The following CPLX1 variants were observed in gnomAD, a reference collection of about 807,000 sequenced individuals.
CPLX1 encodes the protein complexin-1.
A neutral mutation model predicts 15.6 loss-of-function variants in CPLX1; 6 were observed. The observed-to-expected ratio is 0.39, with a 90% CI of 0.21 to 0.76. The LOEUF (loss-of-function observed/expected upper bound fraction) is 0.76, where lower values mean the gene tolerates loss of function less well. Among genes scored for constraint, CPLX1 ranks in the 30% least tolerant of loss-of-function variants. The probability of loss-of-function intolerance (pLI) is 0.43; values close to 1 mark genes in which losing one functional copy is unlikely to be tolerated. For missense variants in CPLX1, 242 were observed against 188.6 expected (o/e 1.28, Z -1.66); for synonymous variants, 91 against 75.2 (o/e 1.21, Z -1.08).
In CPLX1 at chr4:792,260, C is replaced by T. The variant is rs553722817; in HGVS notation, c.207+173G>A. Among the ~76,000 whole-genome samples the T allele has an allele frequency of 1.2e-3, 183 of 152,274 alleles. 1 individual carries two copies. The highest frequency in any genetic ancestry group is 4.2e-3 in the African/African-American group (173 of 41,564). On this transcript the variant is annotated intron_variant, in intron 3 of 3. Transcript: ENST00000304062. ...AGGGGCTGGGCCCCACAGAGGGAGC[C>T]CAACCCGGAGCCCCCACCCCTCACC...
chr4:811,982 T>G (rs1302055808), intron 2 of CPLX1, among the ~76,000 whole-genome samples: 2 of 152,234 alleles, frequency 1.3e-5, no homozygotes, highest in African/African-American at 4.8e-5. Context: ...TTTCTTGCAC[T>G]GAAATCTCCT....
chr4:800,000 G>A (rs1284923114), intron 2 of CPLX1, among the ~76,000 whole-genome samples: 1 of 152,202 alleles, frequency 6.6e-6, no homozygotes, highest in African/African-American at 2.4e-5. Context: ...AGACATTCTA[G>A]GGTCCTGGAC....
chr4:799,059 T>C (rs1746401876), intron 2 of CPLX1, among the ~76,000 whole-genome samples: 1 of 152,240 alleles, frequency 6.6e-6, no homozygotes, highest in African/African-American at 2.4e-5. Context: ...CTTGTTATAA[T>C]GTTGGGGCCC....
chr4:790,037 ACCCCCCAAAGGCCACGC>A (rs1746123126), intron 3 of CPLX1, among the ~76,000 whole-genome samples: 1 of 67,190 alleles, frequency 1.5e-5, no homozygotes, highest in Non-Finnish European at 2.8e-5. Flanking sequence ...GGGTTCCCCC[ACCCCCCAAAGGCCACGC>A]CTGAGGGCAG....
chr4:786,765 G>A (rs1393964468), intron 3 of CPLX1, 67 bp from the exon 4 acceptor site: 7 of 1,517,630 alleles, frequency 4.6e-6, no homozygotes, highest in African/African-American at 4.2e-5. Flanking sequence ...GCCTCCCTGC[G>A]CCAGGGACTG....
At chr4:810,052 T>TC (rs1272143301) in intron 2 of CPLX1, among the ~76,000 whole-genome samples, 17 of 146,930 alleles carry the variant, frequency 1.2e-4, no homozygotes, top group African/African-American at 2.0e-4. Flanking sequence ...ACTTTCTTTT[T>TC]TTTTTTTTTT....
chr4:795,805 T>TGGGGGGGGGGGGGGG (rs113411399), intron 2 of CPLX1, among the ~76,000 whole-genome samples: 1 of 93,406 alleles, frequency 1.1e-5, no homozygotes, highest in African/African-American at 3.4e-5. Context: ...GGAGAGGGGG[T>TGGGGGGGGGGGGGGG]GGGGGGGGGG....
At chr4:801,680 C>T (rs1168236171) in intron 2 of CPLX1, among the ~76,000 whole-genome samples, 2 of 152,262 alleles carry the variant, frequency 1.3e-5, no homozygotes, top group Non-Finnish European at 2.9e-5. Flanking sequence ...GGGTGTGCAA[C>T]AGTGCACTCT....
chr4:809,027 C>T (rs552106523), intron 2 of CPLX1, among the ~76,000 whole-genome samples: 23 of 152,374 alleles, frequency 1.5e-4, no homozygotes, highest in African/African-American at 4.8e-4. Flanking sequence ...GGCGGCAGGC[C>T]GGGCTCCAGC....
At chr4:798,350 T>C (rs1156250014) in intron 2 of CPLX1, among the ~76,000 whole-genome samples, 1 of 151,318 alleles carries the variant, frequency 6.6e-6, no homozygotes, top group African/African-American at 2.4e-5. Flanking sequence ...CCCATACATA[T>C]ATTGTCAATC....
At chr4:818,324 T>C (rs983500345) in intron 2 of CPLX1, among the ~76,000 whole-genome samples, 3 of 152,204 alleles carry the variant, frequency 2.0e-5, no homozygotes, top group Middle Eastern at 3.2e-3. Flanking sequence ...CCACCTTACT[T>C]TGTCAAGCTG....
At chr4:787,142 C>T (rs1187167884) in intron 3 of CPLX1, 9 of 985,306 alleles carry the variant, frequency 9.1e-6, no homozygotes, top group Non-Finnish European at 1.1e-5. Context: ...GACCTGCATT[C>T]ACACTCCCGG....
chr4:822,968 C>T (rs76444973), intron 2 of CPLX1, among the ~76,000 whole-genome samples: 8,472 of 152,324 alleles, frequency 0.056, 345 homozygotes, highest in Non-Finnish European at 0.087. Flanking sequence ...AGCTCCACCA[C>T]GCTGAGCGAC....
At chr4:813,694 A>G (rs1324623677) in intron 2 of CPLX1, among the ~76,000 whole-genome samples, 1 of 152,206 alleles carries the variant, frequency 6.6e-6, no homozygotes, top group Non-Finnish European at 1.5e-5. Context: ...GCCCTCACTC[A>G]AGCCCAGTCC....
At chr4:793,750 G>C (rs1577471687) in intron 2 of CPLX1, among the ~76,000 whole-genome samples, 1 of 152,200 alleles carries the variant, frequency 6.6e-6, no homozygotes, top group South Asian at 2.1e-4. Context: ...GCCCCCTCTC[G>C]AGGTGCTCCT....
At chr4:817,020 A>ATTACT (rs1746769263) in intron 2 of CPLX1, among the ~76,000 whole-genome samples, 1 of 152,204 alleles carries the variant, frequency 6.6e-6, no homozygotes, top group Non-Finnish European at 1.5e-5. Flanking sequence ...TGGTCCCTAC[A>ATTACT]TTAAGTTAAA....
intron 2 of CPLX1, among the ~76,000 whole-genome samples, chr4:822,468 G>C (rs1179964851): frequency 6.6e-6 from 1 of 151,998 alleles, no homozygotes; most frequent in Non-Finnish European, 1.5e-5. Flanking sequence ...GTTTTCACCT[G>C]TCTGTCCCTG....
At chr4:809,402 C>T (rs183696318) in intron 2 of CPLX1, among the ~76,000 whole-genome samples, 13 of 151,460 alleles carry the variant, frequency 8.6e-5, no homozygotes, top group East Asian at 1.9e-4. Flanking sequence ...CTTACTGAAA[C>T]GGGCCCTGTG....
intron 2 of CPLX1, among the ~76,000 whole-genome samples, chr4:799,338 T>C (rs1746407958): frequency 6.6e-6 from 1 of 152,236 alleles, no homozygotes; most frequent in South Asian, 2.1e-4. Flanking sequence ...GCCTATCCGA[T>C]GGAGTCTCCT....
Sources: gnomAD v4.1 joint callset for allele counts (sites outside exome capture counted in the v4.1 genomes callset) on GRCh38, gnomAD v4.1.1 for gene constraint, MANE v1.5 for transcripts, NCBI Gene and HGNC (gene_info 2026-07-23, HGNC 2026-07-21) for gene names.